The following ENOX1 variants were observed in gnomAD, a reference collection of about 807,000 sequenced individuals.
ENOX1 encodes the protein ecto-NOX disulfide-thiol exchanger 1.
A neutral mutation model predicts 82.5 loss-of-function variants in ENOX1; 42 were observed. That is an observed-to-expected ratio of 0.51 (90% CI 0.40 to 0.66). The LOEUF is 0.66. ENOX1 is among the 30% of genes least tolerant of loss of function. The pLI, the probability that ENOX1 is intolerant of heterozygous loss-of-function variation, is 0.00. For synonymous variants in ENOX1, 271 were observed against 282.2 expected (o/e 0.96, Z 0.40); for missense variants, 608 against 811.6 (o/e 0.75, Z 3.05).
At chr13:43,406,052 A>G (rs2053774463) in intron 5 of ENOX1, among the ~76,000 whole-genome samples, 1 of 152,206 alleles carries the variant, frequency 6.6e-6, no homozygotes, top group African/African-American at 2.4e-5. Context: ...ATCTCAGTTA[A>G]AAGAGTGATG....
intron 3 of ENOX1, among the ~76,000 whole-genome samples, chr13:43,421,242 A>C (rs2054955256): frequency 6.6e-6 from 1 of 152,214 alleles, no homozygotes; most frequent in Non-Finnish European, 1.5e-5. Flanking sequence ...ATGCTCCTCA[A>C]TTTATGATAA....
chr13:43,461,465 A>AC lies in ENOX1; in HGVS notation c.-75+22543dup, dbSNP rs59943371. On this transcript the variant is annotated intron_variant, in intron 3 of 16. Transcript: ENST00000690772. The stretch of plus-strand genomic sequence containing the variant: ...CTATTGATATATATATTTTTTTCTT[A>AC]CAAGAAACTGTATTAGGCACCGTGG... 9.8e-3 allele frequency among the ~76,000 whole-genome samples: 1,485 copies of AC among 152,288 alleles called. 24 individuals are homozygous for AC. Among genetic ancestry groups the AC allele is most frequent in the African/African-American group, 0.033 (1,379 of 41,552 alleles).
chr13:43,576,698 A>G (rs2153714586), intron 2 of ENOX1, among the ~76,000 whole-genome samples: 1 of 152,350 alleles, frequency 6.6e-6, no homozygotes, highest in Admixed American at 6.5e-5. Context: ...ACACTAGTCT[A>G]TCGTAATTGT....
At chr13:43,785,585 A>T (rs1594790709) in intron 1 of ENOX1, among the ~76,000 whole-genome samples, 1 of 152,208 alleles carries the variant, frequency 6.6e-6, no homozygotes, top group Non-Finnish European at 1.5e-5. Flanking sequence ...TACAGCAGTG[A>T]AAGATTGAGG....
At chr13:43,770,903 T>A (rs1050158421) in intron 1 of ENOX1, among the ~76,000 whole-genome samples, 1 of 152,030 alleles carries the variant, frequency 6.6e-6, no homozygotes, top group East Asian at 1.9e-4. Flanking sequence ...GTCTCTAGTG[T>A]GAAATAAATG....
chr13:43,786,537 CCTCGCCCA>C lies in ENOX1; in HGVS notation c.-285+107_-285+114del, dbSNP rs1251827779. 6.6e-6 allele frequency: 1 copy of C among 152,566 alleles called. No homozygotes were observed. The highest frequency in any genetic ancestry group is 2.4e-5 in the African/African-American group (1 of 41,444). The allele number at this position is 152,566 out of a possible 1,614,324, so 9.5% of individuals were successfully genotyped here. ...CACCTCTAGCTCCACTCCCCTCCCC[CCTCGCCCA>C]CTCCCCTCTCAGTCTAGATCCAGGT... On this transcript the variant is annotated intron_variant, in intron 1 of 16. Coordinates refer to ENST00000690772, the MANE Select transcript of ENOX1 (RefSeq NM_001347969.2). This position sits in a 1 kb window ranked among gnomAD's most constrained non-coding sequence, Gnocchi z 6.0.
At chr13:43,378,430 G>GT (rs773210188) in intron 5 of ENOX1, among the ~76,000 whole-genome samples, 1 of 152,192 alleles carries the variant, frequency 6.6e-6, no homozygotes, top group Admixed American at 6.5e-5. Context: ...GAACTAATCA[G>GT]TGTATGTGTG....
chr13:43,381,487 TA>T lies in ENOX1; in HGVS notation c.209-20036del, dbSNP rs1240139532. Among the ~76,000 whole-genome samples, 63 of 138,036 alleles carry T rather than the reference TA, an allele frequency of 4.6e-4. 1 individual carries two copies. The highest frequency in any genetic ancestry group is 1.9e-3 in the East Asian group (9 of 4,798). The allele number at this position is 138,036 out of a possible 152,430, so 90.6% of individuals were successfully genotyped here. A position where few individuals can be genotyped will look rare whatever the true frequency, so the allele number is the denominator to read the frequency against. ...TCTATCTTATAAAAAAAAAAAACCT[TA>T]AAAAAAAAAGAGCAAATTGAGCCTG... is the stretch of plus-strand genomic sequence containing the variant. On this transcript the variant is annotated intron_variant, in intron 5 of 16. Coordinates refer to ENST00000690772, the MANE Select transcript of ENOX1 (RefSeq NM_001347969.2).
chr13:43,597,053 C>A (rs1482830765), intron 2 of ENOX1, among the ~76,000 whole-genome samples: 1 of 152,102 alleles, frequency 6.6e-6, no homozygotes, highest in South Asian at 2.1e-4. Flanking sequence ...CTTACAATCA[C>A]GTCAGAAGGC....
chr13:43,599,987 A>C (rs2081632820), intron 2 of ENOX1, among the ~76,000 whole-genome samples: 1 of 151,956 alleles, frequency 6.6e-6, no homozygotes, highest in Non-Finnish European at 1.5e-5. Flanking sequence ...TGCTGACTAA[A>C]GAGCACTTTG....
At chr13:43,714,901 C>T (rs1033633554) in intron 1 of ENOX1, among the ~76,000 whole-genome samples, 8 of 152,112 alleles carry the variant, frequency 5.3e-5, no homozygotes, top group Admixed American at 2.0e-4. Flanking sequence ...GAGCATTTAG[C>T]CCATTTACAT....
At chr13:43,411,678 G>C (rs2054135257) in intron 5 of ENOX1, among the ~76,000 whole-genome samples, 1 of 152,228 alleles carries the variant, frequency 6.6e-6, no homozygotes, top group South Asian at 2.1e-4. Context: ...AAACGCAATT[G>C]ATGTTGCAAG....
intron 15 of ENOX1, among the ~76,000 whole-genome samples, chr13:43,224,961 T>G (rs896668983): frequency 2.6e-5 from 4 of 152,214 alleles, no homozygotes; most frequent in African/African-American, 9.6e-5. Flanking sequence ...AACTGTAGAC[T>G]GCTTTTTGTT....
intron 12 of ENOX1, among the ~76,000 whole-genome samples, chr13:43,288,869 A>G (rs1264309639): frequency 6.6e-6 from 1 of 152,180 alleles, no homozygotes; most frequent in Non-Finnish European, 1.5e-5. Flanking sequence ...AAATTAGTAA[A>G]GTTTCAGGAT....
At chr13:43,576,515 T>TAAAA (rs1226599051) in intron 2 of ENOX1, among the ~76,000 whole-genome samples, 48 of 152,172 alleles carry the variant, frequency 3.2e-4, no homozygotes, top group Non-Finnish European at 6.2e-4. Flanking sequence ...TGTGCCTAGT[T>TAAAA]CACATTAAGA....
intron 12 of ENOX1, among the ~76,000 whole-genome samples, chr13:43,280,404 T>C (rs914691233): frequency 7.9e-5 from 12 of 152,250 alleles, no homozygotes; most frequent in South Asian, 2.1e-4. Flanking sequence ...TAACTTGTTT[T>C]AGCATCATTA....
chr13:43,782,391 G>C (rs888170913), intron 1 of ENOX1, among the ~76,000 whole-genome samples: 1 of 152,148 alleles, frequency 6.6e-6, no homozygotes, highest in Non-Finnish European at 1.5e-5. Flanking sequence ...TATCCAGACA[G>C]TGGAAAATAG....
intron 3 of ENOX1, among the ~76,000 whole-genome samples, chr13:43,450,657 T>C (rs898225937): frequency 1.3e-5 from 2 of 152,162 alleles, no homozygotes; most frequent in Non-Finnish European, 2.9e-5. Flanking sequence ...TTCCTAGTTA[T>C]GCAGTACCTG....
intron 1 of ENOX1, among the ~76,000 whole-genome samples, chr13:43,728,702 G>T (rs1024466267): frequency 6.6e-6 from 1 of 152,102 alleles, no homozygotes; most frequent in East Asian, 1.9e-4. Context: ...AGATGCACTG[G>T]GAATTTCTAA....
Sources: gnomAD v4.1 joint callset for allele counts (sites outside exome capture counted in the v4.1 genomes callset) on GRCh38, gnomAD v4.1.1 for gene constraint, Gnocchi (gnomAD v3.1) non-coding constraint, MANE v1.5 for transcripts, NCBI Gene and HGNC (gene_info 2026-07-23, HGNC 2026-07-21) for gene names.